Variants in KDM2B observed in about 807,000 individuals in gnomAD.
KDM2B encodes the protein lysine demethylase 2B.
KDM2B carries 26 observed loss-of-function variants against 150.0 expected under a neutral mutation model. That is an observed-to-expected ratio of 0.17 (90% CI 0.13 to 0.24). The LOEUF is 0.24. Ranked by LOEUF, KDM2B falls within the 10% of genes least tolerant of loss-of-function variation. The probability of loss-of-function intolerance (pLI) is 1.00; values close to 1 mark genes in which losing one functional copy is unlikely to be tolerated. For missense variants in KDM2B, 1,265 were observed against 1,816.9 expected, an observed-to-expected ratio of 0.70 and a Z score of 5.52; for synonymous variants, 734 against 729.5, an observed-to-expected ratio of 1.01 and a Z score of -0.10.
At chr12:121,447,698 C>G (rs1876508440) in intron 13 of KDM2B, among the ~76,000 whole-genome samples, 1 of 151,912 alleles carries the variant, frequency 6.6e-6, no homozygotes, top group African/African-American at 2.4e-5. Flanking sequence ...GTGTCTTGCT[C>G]TGTTGCCCAG....
intron 4 of KDM2B, among the ~76,000 whole-genome samples, chr12:121,558,647 G>GT (rs1890091035): frequency 6.6e-6 from 1 of 152,016 alleles, no homozygotes; most frequent in Admixed American, 6.6e-5. Context: ...TAGAGACGGG[G>GT]TTTCCTCATG....
At position 121,521,221 on chromosome 12, in the gene KDM2B, C is replaced by T; in HGVS notation, c.932-121G>A. On this transcript the variant is annotated intron_variant, in intron 8 of 22. Transcript: ENST00000377071. This position sits in a 1 kb window ranked among gnomAD's most constrained non-coding sequence, Gnocchi z 4.9. ...GGTGCAGGGAGTGGAGAAGAGCAGC[C>T]AGGGCCTGGGGCAGCGGCGCCCAGC... The T allele has an allele frequency of 1.5e-6, 1 of 676,812 alleles. No homozygotes were observed. Among genetic ancestry groups the T allele is most frequent in the Non-Finnish European group, 2.6e-6 (1 of 382,904 alleles). The allele number at this position is 676,812 out of a possible 1,614,324, so 41.9% of individuals were successfully genotyped here. A position where few individuals can be genotyped will look rare whatever the true frequency, so the allele number is the denominator to read the frequency against.
chr12:121,552,146 A>G (rs1555311915), intron 4 of KDM2B, among the ~76,000 whole-genome samples: 1 of 152,166 alleles, frequency 6.6e-6, no homozygotes, highest in Non-Finnish European at 1.5e-5. Context: ...CGGGTTCTCT[A>G]CATATATTAT....
At chr12:121,556,012 T>C (rs536906547) in intron 4 of KDM2B, among the ~76,000 whole-genome samples, 2 of 152,120 alleles carry the variant, frequency 1.3e-5, no homozygotes, top group South Asian at 4.1e-4. Flanking sequence ...CTGCAACCTC[T>C]GCCTCCCAAG....
In KDM2B at chr12:121,533,812, C is replaced by T. The variant is rs1887859353; in HGVS notation, c.777+685G>A. On this transcript the variant is annotated intron_variant, in intron 7 of 22. Transcript: ENST00000377071. The surrounding 1 kb of genome is among the most constrained non-coding windows in gnomAD (Gnocchi z 4.1). The stretch of plus-strand genomic sequence containing the variant: ...TGCCCTCCAGAAGGAGGAGGTGGTT[C>T]TAGGGAAAGAAGCGACCCTGGGCCA... Among the ~76,000 whole-genome samples, 1 of 152,052 alleles carries T rather than the reference C, an allele frequency of 6.6e-6. No homozygotes were observed. The highest frequency in any genetic ancestry group is 2.1e-4 in the South Asian group (1 of 4,802).
chr12:121,558,274 T>C (rs1890044390), intron 4 of KDM2B, among the ~76,000 whole-genome samples: 1 of 151,876 alleles, frequency 6.6e-6, no homozygotes, highest in Non-Finnish European at 1.5e-5. Context: ...CACAGACAAA[T>C]GGCAGGTGAA....
intron 4 of KDM2B, among the ~76,000 whole-genome samples, chr12:121,551,860 G>C (rs1324126170): frequency 6.6e-6 from 1 of 152,120 alleles, no homozygotes; most frequent in Non-Finnish European, 1.5e-5. Context: ...GCATGACAGG[G>C]TTTCATTAAG....
In KDM2B at chr12:121,442,760, T is replaced by G. The variant is rs1875370122; in HGVS notation, c.2681A>C (p.Glu894Ala). The G allele has an allele frequency of 6.5e-7, 1 of 1,549,504 alleles. No homozygotes were observed. Among genetic ancestry groups the G allele is most frequent in the African/African-American group, 1.4e-5 (1 of 72,196 alleles). The change falls in exon 19 of 23, where the codon GAG becomes GCG. Residue 894 changes from glutamate (E) to alanine (A), a missense_variant. Coordinates refer to ENST00000377071, the MANE Select transcript of KDM2B (RefSeq NM_032590.5). This position sits in a 1 kb window ranked among gnomAD's most constrained non-coding sequence, Gnocchi z 7.7. ...KPLRRFKQEP[E>A]DELPEAPPKT... ...GGGGGGCGCCTCGGGCAGTTCGTCCTCGGGTTCCTGCTTGAAGCGCCGGAG... is the reference window on the plus strand; with the variant it reads ...GGGGGGCGCCTCGGGCAGTTCGTCCGCGGGTTCCTGCTTGAAGCGCCGGAG...
In KDM2B at chr12:121,431,779, T is replaced by C. The variant is rs139687162; in HGVS notation, c.3830-1310A>G. Among the ~76,000 whole-genome samples the C allele has an allele frequency of 2.9e-4, 44 of 152,062 alleles. 1 individual carries two copies. The highest frequency in any genetic ancestry group is 5.2e-4 in the Admixed American group (8 of 15,268). ...TGCTGGAAAGCTGTCTACATACACA[T>C]AGGCATTCACAAGTGAAGGCCCTGC... On this transcript the variant is annotated intron_variant, in intron 22 of 22. Transcript: ENST00000377071.
rs368009852 is a variant in KDM2B at position 121,578,784 on chromosome 12, G to T, written c.271+18C>A. On this transcript the variant is annotated intron_variant, in intron 2 of 22. Coordinates refer to ENST00000377071, the MANE Select transcript of KDM2B (RefSeq NM_032590.5). ...CGGCCCGCAGCGCAGAGGGCGGCCC[G>T]GGGTGGGGGCGCCTCACCTTTGCCC... 15 of 1,504,654 alleles carry T rather than the reference G, an allele frequency of 1.0e-5. No individual in the cohort carries two copies. In the African/African-American group the frequency reaches 2.0e-4, roughly 20 times the overall value. The allele number at this position is 1,504,654 out of a possible 1,614,324, so 93.2% of individuals were successfully genotyped here. A position where few individuals can be genotyped will look rare whatever the true frequency, so the allele number is the denominator to read the frequency against.
At chr12:121,499,282 G>C (rs902779354) in intron 11 of KDM2B, among the ~76,000 whole-genome samples, 2 of 147,802 alleles carry the variant, frequency 1.4e-5, no homozygotes, top group African/African-American at 5.0e-5. Flanking sequence ...GCTAATTTTT[G>C]TATCTTTTTT....
intron 6 of KDM2B, among the ~76,000 whole-genome samples, chr12:121,545,146 C>T (rs548769541): frequency 2.0e-4 from 31 of 152,118 alleles, no homozygotes; most frequent in Non-Finnish European, 3.8e-4. Flanking sequence ...TCTACGATCC[C>T]GGAGGACTTC....
At chr12:121,456,565 G>A (rs1431729707) in intron 12 of KDM2B, among the ~76,000 whole-genome samples, 1 of 152,192 alleles carries the variant, frequency 6.6e-6, no homozygotes, top group Non-Finnish European at 1.5e-5. Flanking sequence ...CTAAAGACGA[G>A]CTTCTCTGGT....
intron 4 of KDM2B, among the ~76,000 whole-genome samples, chr12:121,558,322 G>A (rs782070207): frequency 6.6e-6 from 1 of 152,108 alleles, no homozygotes; most frequent in African/African-American, 2.4e-5. Context: ...GGGTGGGCAC[G>A]TGTAACAAAA....
chr12:121,478,866 T>TTGTGTG (rs71874668), intron 12 of KDM2B, among the ~76,000 whole-genome samples: 193 of 131,212 alleles, frequency 1.5e-3, no homozygotes, highest in African/African-American at 4.8e-3. Flanking sequence ...TTTTGTTTGT[T>TTGTGTG]TGTGTGTGTG....
intron 1 of KDM2B, 155 bp from the exon 2 acceptor site, chr12:121,579,101 GA>G: frequency 1.2e-6 from 1 of 806,254 alleles, no homozygotes; most frequent in South Asian, 1.8e-5. Context: ...CAAAGATGCT[GA>G]AAAGCAGGAC....
At chr12:121,574,240 C>T (rs997289573) in intron 4 of KDM2B, 1 of 284,534 alleles carries the variant, frequency 3.5e-6, no homozygotes, top group East Asian at 8.5e-5. Context: ...AGTGTTTACC[C>T]GGCAACCCAC....
At chr12:121,416,887 T>C in the KDM2B span, among the ~76,000 whole-genome samples, 2 of 152,228 alleles carry the variant, frequency 1.3e-5, no homozygotes, top group African/African-American at 4.8e-5. Context: ...CTTTGATCTT[T>C]AGTTTAGTCT....
At chr12:121,557,462 A>G (rs1889988942) in intron 4 of KDM2B, among the ~76,000 whole-genome samples, 1 of 150,682 alleles carries the variant, frequency 6.6e-6, no homozygotes, top group South Asian at 2.1e-4. Flanking sequence ...CTGGTCTTGA[A>G]CTCCTGACCT....
Sources: allele counts gnomAD v4.1 joint callset (sites outside exome capture counted in the v4.1 genomes callset), GRCh38; gene constraint gnomAD v4.1.1; non-coding constraint Gnocchi (gnomAD v3.1); transcripts MANE v1.5; gene names NCBI Gene and HGNC (gene_info 2026-07-23, HGNC 2026-07-21).